Variants in MYO1H observed in about 807,000 individuals in gnomAD.
MYO1H encodes myosin IH.
Under a neutral mutation model 149.3 loss-of-function variants are expected in MYO1H, and 118 were observed. That is an observed-to-expected ratio of 0.79 (90% CI 0.68 to 0.92). MYO1H has a LOEUF of 0.92. Ranked by LOEUF, MYO1H falls within the 40% of genes least tolerant of loss-of-function variation. MYO1H has a pLI of 0.00. For synonymous variants in MYO1H, 447 were observed against 465.2 expected (o/e 0.96, Z 0.50); for missense variants, 1,212 against 1,280.7 (o/e 0.95, Z 0.82).
intron 20 of MYO1H, 55 bp from the exon 21 acceptor site, chr12:109,434,982 C>A: frequency 2.7e-6 from 3 of 1,124,290 alleles, no homozygotes; most frequent in Non-Finnish European, 3.9e-6. Flanking sequence ...ACCGTTCAAC[C>A]CACTAGATGG....
At chr12:109,414,593 T>G (rs1278096808) in intron 14 of MYO1H, among the ~76,000 whole-genome samples, 1 of 152,162 alleles carries the variant, frequency 6.6e-6, no homozygotes, top group East Asian at 1.9e-4. Flanking sequence ...TTAAAATTGT[T>G]CTTTGTTACA....
chr12:109,398,376 G>C (rs571773578), intron 5 of MYO1H, among the ~76,000 whole-genome samples: 9 of 152,294 alleles, frequency 5.9e-5, no homozygotes, highest in African/African-American at 2.2e-4. Context: ...ATGAACCACA[G>C]CTACACCTCA....
chr12:109,391,347 C>A (rs1452421516), intron 2 of MYO1H, among the ~76,000 whole-genome samples: 1 of 152,150 alleles, frequency 6.6e-6, no homozygotes, highest in Non-Finnish European at 1.5e-5. Flanking sequence ...TTTTCTGTTC[C>A]TGCATTAGTT....
At chr12:109,354,899 T>G (rs1392844142) in intron 1 of MYO1H, among the ~76,000 whole-genome samples, 2 of 152,176 alleles carry the variant, frequency 1.3e-5, no homozygotes, top group Non-Finnish European at 2.9e-5. Context: ...AGATTAGACC[T>G]TTTTGGCCCA....
Position 109,354,605 on chromosome 12 carries a change from G to A in MYO1H, c.12+6633G>A, listed in dbSNP as rs1868542457. Among the ~76,000 whole-genome samples the A allele has an allele frequency of 3.0e-5, 4 of 135,428 alleles. No individual in the cohort carries two copies. In the South Asian group the frequency reaches 6.8e-4, roughly 23 times the overall value. 88.8% of individuals were successfully genotyped at this position (135,428 alleles called of 152,430 possible). A position where few individuals can be genotyped will look rare whatever the true frequency, so the allele number is the denominator to read the frequency against. ...ACTGCACTCCAGCCTGGGTGACAGA[G>A]CGAGACTCTGTCTAAAAAAAAAAAA... On this transcript the variant is annotated intron_variant, in intron 1 of 31. Transcript: ENST00000310903.
At position 109,370,739 on chromosome 12, in the gene MYO1H, C is replaced by G. The variant is rs115123733; in HGVS notation, c.13-17944C>G. ...TTAGAATGCTTCCTCTTTGAATTCT[C>G]TAGATTATTTCAAATCTATACATGG... On this transcript the variant is annotated intron_variant, in intron 1 of 31. Coordinates refer to ENST00000310903, the Ensembl canonical transcript of MYO1H. 1.7e-3 allele frequency among the ~76,000 whole-genome samples: 252 copies of G among 152,312 alleles called. 2 individuals are homozygous for G. The highest frequency in any genetic ancestry group is 5.9e-3 in the African/African-American group (244 of 41,562).
chr12:109,343,068 T>C (rs376141608), upstream of MYO1H, among the ~76,000 whole-genome samples: 15 of 151,968 alleles, frequency 9.9e-5, no homozygotes, highest in African/African-American at 2.9e-4. Context: ...AAAATAATAA[T>C]AACATAAGCA....
the MYO1H span, among the ~76,000 whole-genome samples, chr12:109,328,796 C>T: frequency 1.3e-5 from 2 of 151,966 alleles, no homozygotes. Context: ...GTATTATTGA[C>T]ACATAAAATT....
At chr12:109,368,640 TAA>T (rs56146617) in intron 1 of MYO1H, among the ~76,000 whole-genome samples, 4,279 of 113,136 alleles carry the variant, frequency 0.038, 211 homozygotes, top group African/African-American at 0.12. Flanking sequence ...GACTCCATCT[TAA>T]AAAAAAAAAA....
intron 20 of MYO1H, among the ~76,000 whole-genome samples, chr12:109,434,234 T>C (rs2164744): frequency 0.41 from 62,186 of 151,994 alleles, 13,074 homozygotes; most frequent in African/African-American, 0.48. Context: ...GGTCTCAAAC[T>C]CCTGACCTCA....
chr12:109,437,069 C>T (rs973191348), intron 22 of MYO1H, among the ~76,000 whole-genome samples: 11 of 152,116 alleles, frequency 7.2e-5, no homozygotes, highest in Non-Finnish European at 1.2e-4. Flanking sequence ...GGAACCACTG[C>T]ACTCCAGCCT....
chr12:109,348,354 T>C (rs970198061), intron 1 of MYO1H, among the ~76,000 whole-genome samples: 5 of 152,172 alleles, frequency 3.3e-5, no homozygotes, highest in African/African-American at 1.2e-4. Context: ...AACTGAATTG[T>C]AAATTTGACT....
rs549451995 is a variant in MYO1H at position 109,404,468 on chromosome 12, C to T, written c.849+388C>T. Among the ~76,000 whole-genome samples the T allele has an allele frequency of 2.0e-4, 31 of 152,230 alleles. No homozygotes were observed. In the East Asian group the frequency reaches 4.6e-3, roughly 23 times the overall value. Reference sequence around the variant, plus strand: ...CTGCACTCCAGCCTGGGTGACAGAGCGAGACTGCGTCTCAAAAAAACAAAA... The same window carrying T: ...CTGCACTCCAGCCTGGGTGACAGAGTGAGACTGCGTCTCAAAAAAACAAAA... On this transcript the variant is annotated intron_variant, in intron 7 of 31. Coordinates refer to ENST00000310903, the Ensembl canonical transcript of MYO1H.
At chr12:109,394,598 CA>C (rs10707269) in intron 3 of MYO1H, among the ~76,000 whole-genome samples, 31,699 of 143,562 alleles carry the variant, frequency 0.22, 5,460 homozygotes, top group African/African-American at 0.49. Flanking sequence ...CAATGACTAC[CA>C]AAAAAAAAAA....
At chr12:109,364,968 A>C (rs1364903068) in intron 1 of MYO1H, among the ~76,000 whole-genome samples, 1 of 152,162 alleles carries the variant, frequency 6.6e-6, no homozygotes, top group Non-Finnish European at 1.5e-5. Context: ...ACTGATGTTG[A>C]GCATCAAAAG....
At chr12:109,431,131 G>C (rs1871597479) in intron 19 of MYO1H, among the ~76,000 whole-genome samples, 1 of 151,428 alleles carries the variant, frequency 6.6e-6, no homozygotes, top group Non-Finnish European at 1.5e-5. Context: ...TGTAATCCCA[G>C]CGCTTTGGGA....
Position 109,447,265 on chromosome 12 carries a change from T to G in MYO1H, c.*83T>G. The stretch of plus-strand genomic sequence containing the variant: ...AGGGGAAGTGGGGATTGGATCCAGT[T>G]AGCTACCTCTTCAAGGTACCAGGCC... On this transcript the variant is annotated 3_prime_UTR_variant, in exon 32 of 32. Coordinates refer to ENST00000310903, the Ensembl canonical transcript of MYO1H. 3.3e-6 allele frequency: 4 copies of G among 1,218,260 alleles called. No homozygotes were observed. The East Asian group carries it at 1.0e-4, about 31-fold the overall frequency. 75.5% of individuals were successfully genotyped at this position (1,218,260 alleles called of 1,614,324 possible).
intron 19 of MYO1H, among the ~76,000 whole-genome samples, chr12:109,429,679 G>T (rs530069154): frequency 6.6e-6 from 1 of 152,266 alleles, no homozygotes; most frequent in South Asian, 2.1e-4. Flanking sequence ...ACTGCATAAG[G>T]CCAGGCAGGG....
chr12:109,431,874 A>G (rs932228394), intron 19 of MYO1H, among the ~76,000 whole-genome samples: 5 of 151,314 alleles, frequency 3.3e-5, no homozygotes, highest in Admixed American at 2.0e-4. Flanking sequence ...GATCTCTGTT[A>G]CCCAGGCTGG....
Sources: allele counts gnomAD v4.1 joint callset (sites outside exome capture counted in the v4.1 genomes callset), GRCh38; gene constraint gnomAD v4.1.1; transcripts MANE v1.5; gene names NCBI Gene and HGNC (gene_info 2026-07-23, HGNC 2026-07-21).